Variants in ESRRG observed in about 807,000 individuals in gnomAD.
ESRRG encodes estrogen related receptor gamma.
A neutral mutation model predicts 44.0 loss-of-function variants in ESRRG; 13 were observed. The ratio of observed to expected loss-of-function variants is 0.30; its 90% CI spans 0.19 to 0.47. ESRRG has a LOEUF of 0.47. ESRRG is among the 20% of genes least tolerant of loss of function. The pLI is 1.00. For synonymous variants in ESRRG, 215 were observed against 214.6 expected (o/e 1.00, Z -0.02); for missense variants, 395 against 580.6 (o/e 0.68, Z 3.29).
intron 2 of ESRRG, among the ~76,000 whole-genome samples, chr1:216,894,757 A>G (rs1374383230): frequency 6.6e-6 from 1 of 152,084 alleles, no homozygotes; most frequent in Non-Finnish European, 1.5e-5. Context: ...AGCAGCACTG[A>G]TGTTAATTAG....
intron 1 of ESRRG, among the ~76,000 whole-genome samples, chr1:217,020,927 C>T (rs1468824808): frequency 1.3e-5 from 2 of 152,008 alleles, no homozygotes; most frequent in Non-Finnish European, 2.9e-5. Flanking sequence ...AGAAATGCCA[C>T]TCATTAAACC....
intron 1 of ESRRG, among the ~76,000 whole-genome samples, chr1:216,989,175 G>T (rs1415288975): frequency 1.3e-5 from 2 of 151,858 alleles, no homozygotes; most frequent in Admixed American, 6.6e-5. Flanking sequence ...GGGAGATTTG[G>T]GTGGCTCACA....
chr1:216,744,338 A>G (rs977462585), intron 2 of ESRRG, among the ~76,000 whole-genome samples: 9 of 152,222 alleles, frequency 5.9e-5, no homozygotes, highest in African/African-American at 2.2e-4. Context: ...AAATATTTAC[A>G]CACAGGAGAA....
intron 2 of ESRRG, among the ~76,000 whole-genome samples, chr1:216,879,640 C>T (rs1368620925): frequency 6.6e-6 from 1 of 152,152 alleles, no homozygotes; most frequent in Admixed American, 6.5e-5. Flanking sequence ...CCTTTTGTGA[C>T]AATATCACCA....
intron 2 of ESRRG, among the ~76,000 whole-genome samples, chr1:216,837,139 G>T (rs1037638047): frequency 8.5e-5 from 13 of 152,064 alleles, no homozygotes; most frequent in Middle Eastern, 6.8e-3. Context: ...GCCGGGCAAG[G>T]TGGCTCACGT....
At chr1:217,050,800 G>A in intron 1 of ESRRG, among the ~76,000 whole-genome samples, 1 of 152,094 alleles carries the variant, frequency 6.6e-6, no homozygotes. Flanking sequence ...TAGTAAGTCT[G>A]GGGACAGTCA....
intron 1 of ESRRG, among the ~76,000 whole-genome samples, chr1:216,976,980 G>A (rs1478958360): frequency 2.0e-5 from 3 of 152,112 alleles, no homozygotes; most frequent in Admixed American, 2.0e-4. Context: ...AATGGAGATG[G>A]AGTCATTTCC....
At chr1:216,704,010 A>T (rs1191665675) in intron 1 of ESRRG, among the ~76,000 whole-genome samples, 3 of 152,204 alleles carry the variant, frequency 2.0e-5, no homozygotes, top group Non-Finnish European at 4.4e-5. Flanking sequence ...ATTTTCTTGA[A>T]GTAAAAAGTA....
chr1:216,507,037 T>A lies in ESRRG; in HGVS notation c.1279A>T (p.Thr427Ser). The A allele has an allele frequency of 1.9e-6, 3 of 1,614,082 alleles. No individual in the cohort carries two copies. The highest frequency in any genetic ancestry group is 2.5e-6 in the Non-Finnish European group (3 of 1,179,976). Reference protein sequence around the residue: ...MLMTLPLLRQTSTKAVQHFYN... With the variant: ...MLMTLPLLRQSSTKAVQHFYN... The stretch of plus-strand genomic sequence containing the variant: ...AAATGCTGCACGGCCTTGGTAGAGG[T>A]CTGCCTCAGGAGTGGCAGTGTCATC... The change falls in exon 7 of 7, where the codon ACC (threonine) becomes TCC (serine). Residue 427 changes from threonine to serine, a missense_variant. Around this residue, in one of 5 missense-constraint regions of ESRRG, gnomAD observed 167 missense variants for 251.8 expected, o/e 0.66. Coordinates refer to ENST00000408911, the MANE Select transcript of ESRRG (RefSeq NM_001438.4).
intron 1 of ESRRG, among the ~76,000 whole-genome samples, chr1:217,071,631 A>G (rs1375540775): frequency 6.6e-6 from 1 of 152,184 alleles, no homozygotes; most frequent in Non-Finnish European, 1.5e-5. Flanking sequence ...GGCAATTTGT[A>G]GGGAGAATTT....
chr1:217,075,113 A>T (rs1340584893), intron 1 of ESRRG, among the ~76,000 whole-genome samples: 1 of 151,964 alleles, frequency 6.6e-6, no homozygotes, highest in Non-Finnish European at 1.5e-5. Context: ...GCCCACAAAC[A>T]CTGTAGTTTT....
intron 2 of ESRRG, among the ~76,000 whole-genome samples, chr1:216,838,039 A>G (rs1280029746): frequency 2.0e-5 from 3 of 152,146 alleles, no homozygotes; most frequent in Admixed American, 6.5e-5. Context: ...CCCCAGAATT[A>G]TGCCTTATAT....
chr1:216,793,239 A>G (rs993348204), intron 2 of ESRRG, among the ~76,000 whole-genome samples: 1 of 152,108 alleles, frequency 6.6e-6, no homozygotes, highest in East Asian at 1.9e-4. Flanking sequence ...AGCCTCCAGG[A>G]TTTCCCCCAA....
intron 1 of ESRRG, among the ~76,000 whole-genome samples, chr1:216,695,440 G>C (rs2079950719): frequency 6.6e-6 from 1 of 151,930 alleles, no homozygotes; most frequent in South Asian, 2.1e-4. Context: ...AAGGAAACTG[G>C]GTAAACAGGA....
intron 6 of ESRRG, among the ~76,000 whole-genome samples, chr1:216,518,083 T>C (rs2148896928): frequency 6.6e-6 from 1 of 152,236 alleles, no homozygotes; most frequent in East Asian, 1.9e-4. Flanking sequence ...GAAGGTCTCA[T>C]CTCACTAGGA....
At chr1:217,061,030 A>G (rs10746366) in intron 1 of ESRRG, among the ~76,000 whole-genome samples, 147,856 of 151,940 alleles carry the variant, frequency 0.97, 72,061 homozygotes, top group Middle Eastern at 1. Context: ...TGACCACAAA[A>G]TATAATCATA....
At chr1:216,590,244 C>T (rs894238766) in intron 3 of ESRRG, among the ~76,000 whole-genome samples, 1 of 151,908 alleles carries the variant, frequency 6.6e-6, no homozygotes, top group African/African-American at 2.4e-5. Flanking sequence ...TGTTAGTAGT[C>T]TAGTATCTTC....
chr1:216,690,275 T>C lies in ESRRG; in HGVS notation c.57-12784A>G, dbSNP rs898295608. On this transcript the variant is annotated intron_variant, in intron 1 of 6. Transcript: ENST00000408911. ...TACCTGTGTGTGGTGTGTGTGTGTGTGTTTGCATGTGTGTGTGCTTAAACG... is the reference window on the plus strand; with the variant it reads ...TACCTGTGTGTGGTGTGTGTGTGTGCGTTTGCATGTGTGTGTGCTTAAACG... Among the ~76,000 whole-genome samples the C allele has an allele frequency of 1.3e-3, 193 of 152,238 alleles. 2 individuals are homozygous for C. Among genetic ancestry groups the C allele is most frequent in the African/African-American group, 4.6e-3 (192 of 41,554 alleles).
chr1:216,537,418 C>T (rs541704217), intron 5 of ESRRG, among the ~76,000 whole-genome samples: 7 of 152,078 alleles, frequency 4.6e-5, no homozygotes, highest in East Asian at 1.9e-4. Context: ...ACAGCCCAAA[C>T]GGACTAGAAC....
Sources: gnomAD v4.1 joint callset for allele counts (sites outside exome capture counted in the v4.1 genomes callset) on GRCh38, gnomAD v4.1.1 for gene constraint, gnomAD v4.1.1 regional missense constraint, MANE v1.5 for transcripts, NCBI Gene and HGNC (gene_info 2026-07-23, HGNC 2026-07-21) for gene names.